Variants in NAV3 observed in about 807,000 individuals in gnomAD.
The protein encoded by NAV3 is pore membrane and/or filament interacting like protein 1.
Under a neutral mutation model 244.7 loss-of-function variants are expected in NAV3, and 87 were observed. That is an observed-to-expected ratio of 0.36 (90% CI 0.30 to 0.42). NAV3 has a LOEUF of 0.42. NAV3 is among the 20% of genes least tolerant of loss of function. The pLI is 1.00. For missense variants in NAV3, 2,663 were observed against 2,893.3 expected (o/e 0.92, Z 1.83); for synonymous variants, 1,126 against 1,042.2 (o/e 1.08, Z -1.55).
intron 8 of NAV3, among the ~76,000 whole-genome samples, chr12:78,007,715 C>A (rs1874486851): frequency 1.3e-5 from 2 of 152,182 alleles, no homozygotes; most frequent in East Asian, 3.8e-4. Context: ...AGCTAGAAAC[C>A]AGATGCCACA....
intron 1 of NAV3, among the ~76,000 whole-genome samples, chr12:77,904,889 G>T (rs1450566517): frequency 1.3e-5 from 2 of 151,746 alleles, no homozygotes; most frequent in Non-Finnish European, 2.9e-5. Context: ...GTCAGAGTTG[G>T]TGTTTGCTTT....
intron 30 of NAV3, among the ~76,000 whole-genome samples, chr12:78,182,504 G>A (rs1473286686): frequency 1.3e-5 from 2 of 151,816 alleles, no homozygotes; most frequent in East Asian, 3.9e-4. Context: ...ATATGATAAG[G>A]TTTGAAGGAG....
chr12:77,736,048 A>G (rs1877320807), intron 2 of NAV3, among the ~76,000 whole-genome samples: 1 of 152,196 alleles, frequency 6.6e-6, no homozygotes, highest in South Asian at 2.1e-4. Flanking sequence ...TATCTTTACT[A>G]CACTTTGTAA....
intron 2 of NAV3, among the ~76,000 whole-genome samples, chr12:77,625,836 C>T (rs993418711): frequency 2.6e-5 from 4 of 152,098 alleles, no homozygotes; most frequent in African/African-American, 9.7e-5. Flanking sequence ...TTGAAAGATG[C>T]AACTGTTACA....
chr12:77,852,045 A>G (rs532841749), intron 1 of NAV3, among the ~76,000 whole-genome samples: 11 of 152,340 alleles, frequency 7.2e-5, no homozygotes, highest in Non-Finnish European at 1.3e-4. Flanking sequence ...TGGAGAAGTA[A>G]GAACTATTAC....
At chr12:78,147,488 A>T (rs1490530708) in intron 21 of NAV3, among the ~76,000 whole-genome samples, 1 of 152,018 alleles carries the variant, frequency 6.6e-6, no homozygotes, top group African/African-American at 2.4e-5. Flanking sequence ...TAATTTGAGA[A>T]ATGCTCTTTG....
Position 78,162,873 on chromosome 12 carries a change from T to A in NAV3, c.4869+3587T>A, listed in dbSNP as rs924046237. Among the ~76,000 whole-genome samples, 6 of 122,358 alleles carry A rather than the reference T, an allele frequency of 4.9e-5. No homozygotes were observed. In the East Asian group the frequency reaches 1.2e-3, roughly 25 times the overall value. 80.3% of individuals were successfully genotyped at this position (122,358 alleles called of 152,430 possible). On this transcript the variant is annotated intron_variant, in intron 23 of 39. Transcript: ENST00000397909. ...CAAGACTCTGTCTCAAAAAAAAATATATATATATAATATATATAATATATA... is the reference window on the plus strand; with the variant it reads ...CAAGACTCTGTCTCAAAAAAAAATAAATATATATAATATATATAATATATA...
chr12:78,117,625 C>G (rs1371505467), intron 13 of NAV3, among the ~76,000 whole-genome samples: 1 of 151,034 alleles, frequency 6.6e-6, no homozygotes, highest in Non-Finnish European at 1.5e-5. Flanking sequence ...GTTTAAAAAT[C>G]CAGCAATTAT....
chr12:77,862,302 G>A (rs1315010224), intron 1 of NAV3, among the ~76,000 whole-genome samples: 1 of 151,752 alleles, frequency 6.6e-6, no homozygotes, highest in East Asian at 1.9e-4. Flanking sequence ...GGGAAGTTTG[G>A]TGTGACGTTT....
intron 1 of NAV3, among the ~76,000 whole-genome samples, chr12:77,913,864 A>T (rs2137076547): frequency 6.6e-6 from 1 of 152,132 alleles, no homozygotes; most frequent in Admixed American, 6.6e-5. Flanking sequence ...CTTTCTGATG[A>T]TTGTGCTTGA....
At chr12:77,789,887 T>G (rs974003462) in intron 2 of NAV3, among the ~76,000 whole-genome samples, 4 of 151,992 alleles carry the variant, frequency 2.6e-5, no homozygotes, top group African/African-American at 9.7e-5. Flanking sequence ...CTCATAACAT[T>G]TTAAGAGAGC....
intron 1 of NAV3, among the ~76,000 whole-genome samples, chr12:77,909,455 A>G (rs1387652754): frequency 6.7e-6 from 1 of 149,634 alleles, no homozygotes; most frequent in East Asian, 1.9e-4. Flanking sequence ...AAAAGGGAAG[A>G]AAGAAAAGAA....
At chr12:77,899,921 G>C (rs2619067) in intron 1 of NAV3, among the ~76,000 whole-genome samples, 16,792 of 151,972 alleles carry the variant, frequency 0.11, 1,067 homozygotes, top group South Asian at 0.2. Context: ...ACATGTGCAC[G>C]CTTGTTACAT....
chr12:78,200,699 CATGAACTAT>C (rs1959573668), intron 38 of NAV3, 108 bp downstream of exon 38: 1 of 553,582 alleles, frequency 1.8e-6, no homozygotes, highest in African/African-American at 1.9e-5. Context: ...AAACTAAAGG[CATGAACTAT>C]ATGAATAGAG....
Position 78,163,894 on chromosome 12 carries a change from C to T in NAV3, c.4869+4608C>T, listed in dbSNP as rs150215579. 2.0e-3 allele frequency among the ~76,000 whole-genome samples: 309 copies of T among 152,122 alleles called. 1 individual carries two copies. Among genetic ancestry groups the T allele is most frequent in the African/African-American group, 7.3e-3 (304 of 41,518 alleles). Reference sequence around the variant, plus strand: ...TATATGAAAAAAATTAAACCTGATGCCCTGAGGCATCCATTATATGTGCTG... The same window carrying T: ...TATATGAAAAAAATTAAACCTGATGTCCTGAGGCATCCATTATATGTGCTG... On this transcript the variant is annotated intron_variant, in intron 23 of 39. Transcript: ENST00000397909.
At chr12:77,939,013 T>G (rs1889607443) in intron 1 of NAV3, among the ~76,000 whole-genome samples, 2 of 151,666 alleles carry the variant, frequency 1.3e-5, no homozygotes, top group South Asian at 4.2e-4. Flanking sequence ...TCTGGAACTC[T>G]TCATACCAAA....
chr12:77,727,523 A>T (rs1876930998), intron 2 of NAV3, among the ~76,000 whole-genome samples: 1 of 151,996 alleles, frequency 6.6e-6, no homozygotes, highest in South Asian at 2.1e-4. Flanking sequence ...TGTTGAAATG[A>T]AACGTAAGTG....
intron 12 of NAV3, among the ~76,000 whole-genome samples, chr12:78,069,775 C>A (rs1323596048): frequency 6.6e-6 from 1 of 151,766 alleles, no homozygotes; most frequent in East Asian, 1.9e-4. Flanking sequence ...CTAGGAGATG[C>A]CTCACATATC....
At chr12:77,730,704 ACT>A (rs976529298) in intron 2 of NAV3, among the ~76,000 whole-genome samples, 13 of 151,594 alleles carry the variant, frequency 8.6e-5, no homozygotes, top group African/African-American at 2.4e-5. Flanking sequence ...ATAAAACAAG[ACT>A]CTCTGAATTA....
Sources: allele counts gnomAD v4.1 joint callset (sites outside exome capture counted in the v4.1 genomes callset), GRCh38; gene constraint gnomAD v4.1.1; transcripts MANE v1.5; gene names NCBI Gene and HGNC (gene_info 2026-07-23, HGNC 2026-07-21).